The following DRC3 variants were observed in gnomAD, a reference collection of about 807,000 sequenced individuals.
DRC3 encodes the protein leucine rich repeat containing 48.
DRC3 carries 45 observed loss-of-function variants against 57.6 expected under a neutral mutation model. The ratio of observed to expected loss-of-function variants is 0.78; its 90% CI spans 0.62 to 1.00. DRC3 has a LOEUF of 1.00. Among genes scored for constraint, DRC3 ranks in the 50% least tolerant of loss-of-function variants. The pLI is 0.00. For missense variants in DRC3, 655 were observed against 675.2 expected, an observed-to-expected ratio of 0.97 and a Z score of 0.33; for synonymous variants, 257 against 272.3, an observed-to-expected ratio of 0.94 and a Z score of 0.55.
chr17:17,973,277 G>C (rs1161649935), intron 1 of DRC3, among the ~76,000 whole-genome samples: 1 of 152,088 alleles, frequency 6.6e-6, no homozygotes, highest in Admixed American at 6.5e-5. Flanking sequence ...CATAGAAAGA[G>C]AGGTACCCGG....
rs1327734963 is a variant in DRC3 at position 18,007,144 on chromosome 17, C to T, written c.1323C>T (p.Arg441=). The T allele has an allele frequency of 1.6e-5, 13 of 807,118 alleles. No individual in the cohort carries two copies. The highest frequency in any genetic ancestry group is 2.9e-4 in the Middle Eastern group (1 of 3,460). 50.0% of individuals were successfully genotyped at this position (807,118 alleles called of 1,614,324 possible). Residue 441 remains arginine (R), a synonymous_variant, in exon 12 of 14, where the codon CGC becomes CGT. Coordinates refer to ENST00000399187, the MANE Select transcript of DRC3 (RefSeq NM_031294.4). ...ACGAGGACCTGCCTAACGACCTGCG[C>T]GCGGTAGGCGGGGCGGGCTGCTCGG... The part of the protein sequence containing the change: ...DLDEDLPNDL[R]ALFVDKDTIV...
At chr17:18,005,844 G>C (rs2043929079) in intron 10 of DRC3, 1 of 307,672 alleles carries the variant, frequency 3.3e-6, no homozygotes. Flanking sequence ...GTGATGCACA[G>C]ATGTCACTGG....
chr17:17,979,189 G>A (rs376706699), intron 3 of DRC3, among the ~76,000 whole-genome samples: 1 of 152,320 alleles, frequency 6.6e-6, no homozygotes, highest in East Asian at 1.9e-4. Flanking sequence ...AAAGGGCCTG[G>A]GGCAGGCTGG....
chr17:18,002,328 C>T lies in DRC3; in HGVS notation c.1000-2035C>T, dbSNP rs955684376. 3.9e-5 allele frequency among the ~76,000 whole-genome samples: 6 copies of T among 152,196 alleles called. No homozygotes were observed. In the East Asian group the frequency reaches 9.6e-4, roughly 24 times the overall value. On this transcript the variant is annotated intron_variant, in intron 9 of 13. Transcript: ENST00000399187. Reference sequence around the variant, plus strand: ...TAGCTATTATTATGTCATTCGCCCCCTTCAATCATGCTGTTACTCCATCCT... The same window carrying T: ...TAGCTATTATTATGTCATTCGCCCCTTTCAATCATGCTGTTACTCCATCCT...
chr17:17,989,950 C>T (rs1022295401), intron 5 of DRC3, among the ~76,000 whole-genome samples: 2 of 152,146 alleles, frequency 1.3e-5, no homozygotes, highest in African/African-American at 4.8e-5. Flanking sequence ...CATTTAGTGG[C>T]GTGATAATTG....
In DRC3 at chr17:17,997,433, C is replaced by G. The variant is rs145007281; in HGVS notation, c.825-27C>G. 409 of 1,610,416 alleles carry G rather than the reference C, an allele frequency of 2.5e-4. 3 individuals are homozygous for G. In the East Asian group the frequency reaches 9.0e-3, roughly 35 times the overall value. ...CCTCCGCAGCCTGCTCCTGAAACAG[C>G]TGTGGGCTTCCTTAACAGCCACTCA... is the stretch of plus-strand genomic sequence containing the variant. On this transcript the variant is annotated intron_variant, in intron 8 of 13. Transcript: ENST00000399187.
In DRC3 at chr17:17,978,352, G is replaced by T. The variant is rs147960959; in HGVS notation, c.160+594G>T. 7.9e-5 allele frequency among the ~76,000 whole-genome samples: 12 copies of T among 152,308 alleles called. No homozygotes were observed. The East Asian group carries it at 1.9e-3, about 24-fold the overall frequency. ...GTCATCCCTGTCTCGAGCATTGGGTGGGGGGACAAGGTGAGACAGCACGTG... is the reference window on the plus strand; with the variant it reads ...GTCATCCCTGTCTCGAGCATTGGGTTGGGGGACAAGGTGAGACAGCACGTG... On this transcript the variant is annotated intron_variant, in intron 3 of 13. Transcript: ENST00000399187.
rs897922672 is a variant in DRC3, at chr17:17,977,724, C to T, written c.126C>T (p.Phe42=). The T allele has an allele frequency of 8.7e-6, 14 of 1,612,028 alleles. No individual in the cohort carries two copies. Among genetic ancestry groups the T allele is most frequent in the Non-Finnish European group, 1.2e-5 (14 of 1,178,930 alleles). ...GQLAKQEGIL[F]KDVLSLQLDF... ...TGGCCAAGCAGGAGGGCATCCTCTT[C>T]AAGGATGTCCTGTCCCTGCAGCTGG... The change falls in exon 3 of 14, where the codon TTC becomes TTT. Residue 42 remains phenylalanine (F), a synonymous_variant. Coordinates refer to ENST00000399187, the MANE Select transcript of DRC3 (RefSeq NM_031294.4).
chr17:18,010,249 T>C (rs536658151), intron 12 of DRC3, among the ~76,000 whole-genome samples: 42 of 152,298 alleles, frequency 2.8e-4, no homozygotes, highest in Non-Finnish European at 5.3e-4. Flanking sequence ...CAGAGGAGAA[T>C]GCAGGGTTGT....
At chr17:17,986,420 G>A (rs139305889) in intron 4 of DRC3, among the ~76,000 whole-genome samples, 37 of 152,058 alleles carry the variant, frequency 2.4e-4, no homozygotes, top group Non-Finnish European at 2.9e-4. Flanking sequence ...CCTGATATGC[G>A]GAGGAGGCTA....
At chr17:17,980,263 T>C (rs2042599885) in intron 3 of DRC3, among the ~76,000 whole-genome samples, 1 of 151,244 alleles carries the variant, frequency 6.6e-6, no homozygotes, top group Non-Finnish European at 1.5e-5. Flanking sequence ...TGTTTGTTTG[T>C]TTGTTTTGTT....
Position 17,994,286 on chromosome 17 carries a change from G to A in DRC3, c.592-13G>A, listed in dbSNP as rs373758272. Reference sequence around the variant, plus strand: ...AACCTCTGGTAACAATGCCACTCCCGTTCCCTGGTCAGAAAAAGCTTGCGG... The same window carrying A: ...AACCTCTGGTAACAATGCCACTCCCATTCCCTGGTCAGAAAAAGCTTGCGG... On this transcript the variant is annotated splice_polypyrimidine_tract_variant and intron_variant, in intron 6 of 13. Coordinates refer to ENST00000399187, the MANE Select transcript of DRC3 (RefSeq NM_031294.4). The A allele has an allele frequency of 1.5e-4, 236 of 1,551,004 alleles. No homozygotes were observed. The highest frequency in any genetic ancestry group is 2.0e-4 in the Non-Finnish European group (228 of 1,146,758).
At chr17:17,996,090 A>G (rs972361802) in intron 8 of DRC3, among the ~76,000 whole-genome samples, 1 of 152,212 alleles carries the variant, frequency 6.6e-6, no homozygotes, top group Non-Finnish European at 1.5e-5. Context: ...GCGCAATCTC[A>G]GCTCACTGCA....
At chr17:18,015,903 C>A in intron 12 of DRC3, 161 bp from the exon 13 acceptor site, 1 of 724,036 alleles carries the variant, frequency 1.4e-6, no homozygotes, top group Non-Finnish European at 2.2e-6. Flanking sequence ...CAGATGAATT[C>A]ACAGATGAAT....
intron 9 of DRC3, among the ~76,000 whole-genome samples, chr17:17,997,911 A>G (rs181882496): frequency 2.0e-4 from 30 of 152,178 alleles, no homozygotes; most frequent in Middle Eastern, 3.4e-3. Context: ...GGTCGGCCCT[A>G]CCCCCCAACT....
intron 3 of DRC3, among the ~76,000 whole-genome samples, chr17:17,978,225 C>T (rs1166337469): frequency 1.3e-5 from 2 of 152,166 alleles, no homozygotes; most frequent in Non-Finnish European, 2.9e-5. Context: ...AGGAGGAGCA[C>T]AGGCCCTTGA....
intron 2 of DRC3, among the ~76,000 whole-genome samples, chr17:17,977,112 A>C (rs184231663): frequency 6.6e-6 from 1 of 152,150 alleles, no homozygotes; most frequent in African/African-American, 2.4e-5. Flanking sequence ...GCATACACAC[A>C]TGACGGCCTG....
At chr17:17,997,411 C>T (rs1205363401) in intron 8 of DRC3, 49 bp from the exon 9 acceptor site, 1 of 1,597,080 alleles carries the variant, frequency 6.3e-7, no homozygotes, top group Non-Finnish European at 8.5e-7. Context: ...GCCGTGCCCT[C>T]CGCAGCCTGC....
intron 12 of DRC3, among the ~76,000 whole-genome samples, chr17:18,009,221 C>G (rs2044086186): frequency 6.6e-6 from 1 of 152,108 alleles, no homozygotes; most frequent in African/African-American, 2.4e-5. Flanking sequence ...TGAGACCAGC[C>G]TGGGTAACAT....
Sources: allele counts gnomAD v4.1 joint callset (sites outside exome capture counted in the v4.1 genomes callset), GRCh38; gene constraint gnomAD v4.1.1; transcripts MANE v1.5; gene names NCBI Gene and HGNC (gene_info 2026-07-23, HGNC 2026-07-21).